Variants in ADAT3 observed in about 807,000 individuals in gnomAD.
ADAT3 encodes tRNA-specific adenosine-34 deaminase regulatory subunit ADAT3.
Under a neutral mutation model 3.5 loss-of-function variants are expected in ADAT3, and 2 were observed. The observed-to-expected ratio is 0.57, with a 90% CI of 0.23 to 1.79. The LOEUF (loss-of-function observed/expected upper bound fraction) is 1.79, where lower values mean the gene tolerates loss of function less well. Ranked by LOEUF, ADAT3 falls within the 40% of genes most tolerant of loss-of-function variation. ADAT3 has a pLI of 0.18. For missense variants in ADAT3, 735 were observed against 571.4 expected, an observed-to-expected ratio of 1.29 and a Z score of -2.92; for synonymous variants, 358 against 270.3, an observed-to-expected ratio of 1.32 and a Z score of -3.18.
At position 1,912,348 on chromosome 19, in the gene ADAT3, G is replaced by T; in HGVS notation, c.301G>T (p.Gly101Cys). 1 of 1,532,370 alleles carries T rather than the reference G, an allele frequency of 6.5e-7. No individual in the cohort carries two copies. The highest frequency in any genetic ancestry group is 8.7e-7 in the Non-Finnish European group (1 of 1,147,466). 94.9% of individuals were successfully genotyped at this position (1,532,370 alleles called of 1,614,324 possible). ...LKRVRPSRDA[G>C]SPHALEMLLC... ...GCGGGTGCGGCCCAGCCGCGATGCC[G>T]GCAGCCCCCACGCCCTGGAGATGCT... Residue 101 changes from glycine to cysteine, a missense_variant, in exon 2 of 2, where the codon GGC becomes TGC. By Grantham distance (159) the Gly-to-Cys change is radical. Transcript: ENST00000329478.
rs564283350 is a variant in ADAT3 at position 1,913,060 on chromosome 19, G to A, written c.1013G>A (p.Arg338His). ...SPDGALGTRF[R>H]IHARPDLNHR... Reference sequence around the variant, plus strand: ...GACGGCGCCCTGGGCACCCGCTTCCGCATCCACGCACGGCCCGACCTCAAC... The same window carrying A: ...GACGGCGCCCTGGGCACCCGCTTCCACATCCACGCACGGCCCGACCTCAAC... The change falls in exon 2 of 2, where the codon CGC becomes CAC. Residue 338 changes from arginine (R) to histidine (H), a missense_variant. Physicochemically the swap from Arg to His is conservative, Grantham distance 29. Coordinates refer to ENST00000329478, the MANE Select transcript of ADAT3 (RefSeq NM_138422.4). 2.9e-5 allele frequency: 46 copies of A among 1,602,832 alleles called. No homozygotes were observed. In the Admixed American group the frequency reaches 5.2e-4, roughly 18 times the overall value.
intron 1 of ADAT3, among the ~76,000 whole-genome samples, chr19:1,910,013 G>A (rs1599235118): frequency 6.6e-6 from 1 of 152,348 alleles, no homozygotes; most frequent in East Asian, 1.9e-4. Flanking sequence ...CAGGCTGTGT[G>A]CTGTTCTGGG....
rs1318055324 is a variant in ADAT3, at chr19:1,913,220, C to T, written c.*69C>T. ...GGGCGCCCCTCCTGGACTTCCGGGC[C>T]TCGATTTCTTCCGCACAAGCCTGAC... On this transcript the variant is annotated 3_prime_UTR_variant, in exon 2 of 2. Transcript: ENST00000329478. 6.2e-6 allele frequency: 9 copies of T among 1,455,570 alleles called. No individual in the cohort carries two copies. The highest frequency in any genetic ancestry group is 8.2e-6 in the Non-Finnish European group (9 of 1,103,468). 90.2% of individuals were successfully genotyped at this position (1,455,570 alleles called of 1,614,324 possible).
At chr19:1,907,756 T>C (rs774268388) in intron 1 of ADAT3, among the ~76,000 whole-genome samples, 19 of 152,020 alleles carry the variant, frequency 1.2e-4, no homozygotes, top group Non-Finnish European at 2.8e-4. Flanking sequence ...GGGGTCCCAG[T>C]GGTCGGTCGC....
chr19:1,912,467 C>A lies in ADAT3; in HGVS notation c.420C>A (p.Phe140Leu). 1 of 1,504,084 alleles carries A rather than the reference C, an allele frequency of 6.6e-7. No homozygotes were observed. The highest frequency in any genetic ancestry group is 2.1e-5 in the Admixed American group (1 of 47,420). The allele number at this position is 1,504,084 out of a possible 1,614,324, so 93.2% of individuals were successfully genotyped here. The stretch of plus-strand genomic sequence containing the variant: ...ACCCCCGCGGCCTGGGGCAACCCTT[C>A]CTGGTGCCCGTGCCCGCCCGGCCGC... ...AVDPRGLGQP[F>L]LVPVPARPPL... Residue 140 changes from phenylalanine (F) to leucine (L), a missense_variant, in exon 2 of 2, where the codon TTC becomes TTA. By Grantham distance (22) the Phe-to-Leu change is conservative (BLOSUM62 0). Transcript: ENST00000329478.
rs77965316 is a variant in ADAT3, at chr19:1,910,233, C to T, written c.-158-1657C>T. On this transcript the variant is annotated intron_variant, in intron 1 of 1. Coordinates refer to ENST00000329478, the MANE Select transcript of ADAT3 (RefSeq NM_138422.4). ...GCTGTGTTGTCATCTGGAGGCTCAA[C>T]GGGGGTGGCATCTGCTTGCAACTCA... Among the ~76,000 whole-genome samples the T allele has an allele frequency of 9.0e-3, 1,370 of 152,292 alleles. 16 individuals are homozygous for T. Among genetic ancestry groups the T allele is most frequent in the African/African-American group, 0.032 (1,325 of 41,556 alleles).
At position 1,912,307 on chromosome 19, in the gene ADAT3, C is replaced by T; in HGVS notation, c.260C>T (p.Ala87Val). 1 of 1,559,672 alleles carries T rather than the reference C, an allele frequency of 6.4e-7. No individual in the cohort carries two copies. Among genetic ancestry groups the T allele is most frequent in the Non-Finnish European group, 8.6e-7 (1 of 1,158,986 alleles). ...GTGTCGGCCCTGCACCCGCTCCCCG[C>T]CCAGCCTCACCTCAAGCGGGTGCGG... ...KEVSALHPLP[A>V]QPHLKRVRPS... The change falls in exon 2 of 2, where the codon GCC becomes GTC. Residue 87 changes from alanine (A) to valine (V), a missense_variant. Physicochemically the swap from Ala to Val is moderately conservative, Grantham distance 64. Coordinates refer to ENST00000329478, the MANE Select transcript of ADAT3 (RefSeq NM_138422.4).
intron 1 of ADAT3, among the ~76,000 whole-genome samples, chr19:1,910,123 G>C (rs1205883713): frequency 6.6e-6 from 1 of 152,182 alleles, no homozygotes; most frequent in Non-Finnish European, 1.5e-5. Flanking sequence ...GCCAGCTCCC[G>C]GTTCTGTGGG....
At chr19:1,905,970 G>T (rs753283298) in intron 1 of ADAT3, 1 of 152,222 alleles carries the variant, frequency 6.6e-6, no homozygotes, top group Admixed American at 6.6e-5. Context: ...CAGGCCCCCA[G>T]TTATCTCCCA....
In ADAT3 at chr19:1,905,474, G is replaced by C; in HGVS notation, c.-159+35G>C. The C allele has an allele frequency of 6.6e-6, 3 of 451,140 alleles. 1 individual carries two copies. Among genetic ancestry groups the C allele is most frequent in the Non-Finnish European group, 1.4e-5 (3 of 216,708 alleles). 27.9% of individuals were successfully genotyped at this position (451,140 alleles called of 1,614,324 possible). ...CGGCCCCGAGGTCTCGGGTTCTCCAGGCTCAGACTTCCCCAGAGGGGGAGT... is the reference window on the plus strand; with the variant it reads ...CGGCCCCGAGGTCTCGGGTTCTCCACGCTCAGACTTCCCCAGAGGGGGAGT... On this transcript the variant is annotated intron_variant, in intron 1 of 1. Transcript: ENST00000329478.
At chr19:1,911,451 C>T (rs564701984) in intron 1 of ADAT3, among the ~76,000 whole-genome samples, 5 of 152,296 alleles carry the variant, frequency 3.3e-5, no homozygotes, top group African/African-American at 9.6e-5. Flanking sequence ...GGATTACAGG[C>T]GTGAGCCGCT....
chr19:1,912,509 G>GTCC lies in ADAT3; in HGVS notation c.463_464insCCT (p.Gln154_Phe155insSer), dbSNP rs1243937727. Reference sequence around the variant, plus strand: ...CCCGGCCGCCTCTGACCAGGGGCCAGTTCGAGGAGGCCCGGGCCCACTGGC... The same window carrying GTCC: ...CCCGGCCGCCTCTGACCAGGGGCCAGTCCTTCGAGGAGGCCCGGGCCCACTGGC... On this transcript the variant is annotated inframe_insertion, in exon 2 of 2. Coordinates refer to ENST00000329478, the MANE Select transcript of ADAT3 (RefSeq NM_138422.4). 6.7e-7 allele frequency: 1 copy of GTCC among 1,495,328 alleles called. No homozygotes were observed. Among genetic ancestry groups the GTCC allele is most frequent in the Non-Finnish European group, 8.8e-7 (1 of 1,130,138 alleles). The allele number at this position is 1,495,328 out of a possible 1,614,324, so 92.6% of individuals were successfully genotyped here.
At position 1,912,017 on chromosome 19, in the gene ADAT3, C is replaced by T. The variant is rs1400789262; in HGVS notation, c.-31C>T. On this transcript the variant is annotated 5_prime_UTR_variant, in exon 2 of 2. Transcript: ENST00000329478. ...CCACGGCCTCCCGGGACGGACTCCCCGGCTCTCCCCCAGCCGCCCGCAGCC... is the reference window on the plus strand; with the variant it reads ...CCACGGCCTCCCGGGACGGACTCCCTGGCTCTCCCCCAGCCGCCCGCAGCC... 2.7e-5 allele frequency: 38 copies of T among 1,419,280 alleles called. No homozygotes were observed. The highest frequency in any genetic ancestry group is 3.4e-5 in the Non-Finnish European group (37 of 1,093,290). 87.9% of individuals were successfully genotyped at this position (1,419,280 alleles called of 1,614,324 possible).
chr19:1,913,141 CCGA>C lies in ADAT3; in HGVS notation c.1096_1098del (p.Asp366del). The stretch of plus-strand genomic sequence containing the variant: ...GAGGAGCAGTGCCGCTGGCTGGACC[CCGA>C]CACGTAGGCGCCGCCCTCCTGCCTC... On this transcript the variant is annotated inframe_deletion, in exon 2 of 2. Transcript: ENST00000329478. The C allele has an allele frequency of 6.4e-7, 1 of 1,558,042 alleles. No homozygotes were observed. Among genetic ancestry groups the C allele is most frequent in the East Asian group, 2.4e-5 (1 of 41,974 alleles).
Position 1,908,970 on chromosome 19 carries a change from T to C in ADAT3, c.-158-2920T>C, listed in dbSNP as rs528677461. Among the ~76,000 whole-genome samples, 1 of 152,046 alleles carries C rather than the reference T, an allele frequency of 6.6e-6. No individual in the cohort carries two copies. The highest frequency in any genetic ancestry group is 6.6e-5 in the Admixed American group (1 of 15,248). On this transcript the variant is annotated intron_variant, in intron 1 of 1. Coordinates refer to ENST00000329478, the MANE Select transcript of ADAT3 (RefSeq NM_138422.4). The surrounding 1 kb of genome is among the most constrained non-coding windows in gnomAD (Gnocchi z 4.2). ...AAATACAAAAATTAGCCGGGCGTGG[T>C]GGCATGTGCCTGTATTCCCAGCTAC...
Position 1,905,447 on chromosome 19 carries a change from C to G in ADAT3, c.-159+8C>G, listed in dbSNP as rs965126061. The stretch of plus-strand genomic sequence containing the variant: ...CGCGCCCGGATCCCTCAGGTAAGCG[C>G]GCGGCCCCGAGGTCTCGGGTTCTCC... On this transcript the variant is annotated splice_region_variant and intron_variant, in intron 1 of 1. Coordinates refer to ENST00000329478, the MANE Select transcript of ADAT3 (RefSeq NM_138422.4). The G allele has an allele frequency of 1.7e-5, 8 of 460,188 alleles. 1 individual carries two copies. Among genetic ancestry groups the G allele is most frequent in the South Asian group, 1.1e-4 (7 of 62,938 alleles). 28.5% of individuals were successfully genotyped at this position (460,188 alleles called of 1,614,324 possible). A position where few individuals can be genotyped will look rare whatever the true frequency, so the allele number is the denominator to read the frequency against.
At position 1,912,854 on chromosome 19, in the gene ADAT3, G is replaced by A. The variant is rs1421507475; in HGVS notation, c.807G>A (p.Pro269=). The part of the protein sequence containing the change: ...FRPFPACSFA[P]AAAPQAVRAG... ...CCTTCCCCGCCTGCTCCTTCGCCCCGGCCGCTGCCCCCCAGGCCGTCCGCG... is the reference window on the plus strand; with the variant it reads ...CCTTCCCCGCCTGCTCCTTCGCCCCAGCCGCTGCCCCCCAGGCCGTCCGCG... The change falls in exon 2 of 2, where the codon CCG becomes CCA. Residue 269 remains proline, a synonymous_variant. Coordinates refer to ENST00000329478, the MANE Select transcript of ADAT3 (RefSeq NM_138422.4). The A allele has an allele frequency of 6.3e-7, 1 of 1,596,830 alleles. No homozygotes were observed. Among genetic ancestry groups the A allele is most frequent in the South Asian group, 1.1e-5 (1 of 90,668 alleles).
rs2013556595 is a variant in ADAT3 at position 1,912,879 on chromosome 19, G to T, written c.832G>T (p.Ala278Ser). The part of the protein sequence containing the change: ...APAAAPQAVR[A>S]GAVRKLDADE... ...GGCCGCTGCCCCCCAGGCCGTCCGC[G>T]CAGGCGCCGTGCGTAAACTGGACGC... The change falls in exon 2 of 2, where the codon GCA becomes TCA. Residue 278 changes from alanine to serine, a missense_variant. Ala to Ser is a moderately conservative substitution (Grantham distance 99, BLOSUM62 1). Coordinates refer to ENST00000329478, the MANE Select transcript of ADAT3 (RefSeq NM_138422.4). The T allele has an allele frequency of 6.2e-7, 1 of 1,604,376 alleles. No individual in the cohort carries two copies.
rs1250041585 is a variant in ADAT3 at position 1,913,447 on chromosome 19, A to C, written c.*296A>C. Reference sequence around the variant, plus strand: ...TGGGAAAATAAACAGCCCAAAACCAAGTGGGTGTCTGTTAGGAGGTGTGTG... The same window carrying C: ...TGGGAAAATAAACAGCCCAAAACCACGTGGGTGTCTGTTAGGAGGTGTGTG... On this transcript the variant is annotated 3_prime_UTR_variant, in exon 2 of 2. Coordinates refer to ENST00000329478, the MANE Select transcript of ADAT3 (RefSeq NM_138422.4). The C allele has an allele frequency of 7.8e-6, 4 of 512,624 alleles. No homozygotes were observed. The highest frequency in any genetic ancestry group is 1.1e-5 in the Non-Finnish European group (3 of 279,672). 31.8% of individuals were successfully genotyped at this position (512,624 alleles called of 1,614,324 possible). A position where few individuals can be genotyped will look rare whatever the true frequency, so the allele number is the denominator to read the frequency against.
Sources: allele counts gnomAD v4.1 joint callset (sites outside exome capture counted in the v4.1 genomes callset), GRCh38; gene constraint gnomAD v4.1.1; non-coding constraint Gnocchi (gnomAD v3.1); transcripts MANE v1.5; gene names NCBI Gene and HGNC (gene_info 2026-07-23, HGNC 2026-07-21).